TTC29: variants seen among roughly 807,000 people sequenced by gnomAD.
TTC29 encodes tetratricopeptide repeat protein 29.
A neutral mutation model predicts 58.1 loss-of-function variants in TTC29; 49 were observed. The ratio of observed to expected loss-of-function variants is 0.84; its 90% CI spans 0.67 to 1.07. TTC29 has a LOEUF of 1.07. Ranked by LOEUF, TTC29 falls within the 50% of genes least tolerant of loss-of-function variation. The probability of loss-of-function intolerance (pLI) is 0.00; values close to 1 mark genes in which losing one functional copy is unlikely to be tolerated. For synonymous variants in TTC29, 209 were observed against 196.8 expected (o/e 1.06, Z -0.52); for missense variants, 582 against 555.6 (o/e 1.05, Z -0.48).
At chr4:146,843,416 G>A (rs1468542841) in intron 8 of TTC29, among the ~76,000 whole-genome samples, 1 of 152,086 alleles carries the variant, frequency 6.6e-6, no homozygotes, top group East Asian at 1.9e-4. Flanking sequence ...GATCATTTGA[G>A]TACGTACACT....
chr4:146,724,524 CT>C (rs112548226), intron 11 of TTC29, among the ~76,000 whole-genome samples: 3,386 of 149,300 alleles, frequency 0.023, 135 homozygotes, highest in African/African-American at 0.077. Flanking sequence ...TGTTCAACTT[CT>C]TTTTTTTTTA....
intron 6 of TTC29, among the ~76,000 whole-genome samples, chr4:146,898,135 G>C (rs1443378055): frequency 6.6e-6 from 1 of 152,168 alleles, no homozygotes; most frequent in East Asian, 1.9e-4. Flanking sequence ...AATGGGTAGA[G>C]GAGATAATTA....
chr4:146,784,644 C>T (rs746777110), intron 11 of TTC29, among the ~76,000 whole-genome samples: 1 of 152,148 alleles, frequency 6.6e-6, no homozygotes, highest in Admixed American at 6.6e-5. Flanking sequence ...AGCCAAAAAG[C>T]AGGCCTCAGC....
chr4:146,820,968 C>T (rs948859408), intron 9 of TTC29, among the ~76,000 whole-genome samples: 1 of 151,522 alleles, frequency 6.6e-6, no homozygotes, highest in Non-Finnish European at 1.5e-5. Flanking sequence ...GGAGGCGGAG[C>T]TTGCAGTGAG....
At position 146,845,569 on chromosome 4, in the gene TTC29, A is replaced by G. The variant is rs1729109952; in HGVS notation, c.886-11672T>C. 2.6e-5 allele frequency among the ~76,000 whole-genome samples: 4 copies of G among 152,210 alleles called. No homozygotes were observed. In the South Asian group the frequency reaches 8.3e-4, roughly 32 times the overall value. ...ATGGTGGTGGCAAACTGAATCAAAT[A>G]AAGTGCCAGTCAAGTCTAATTTGAC... On this transcript the variant is annotated intron_variant, in intron 8 of 12. Transcript: ENST00000325106.
At chr4:146,879,645 C>T (rs1731494630) in intron 6 of TTC29, among the ~76,000 whole-genome samples, 1 of 152,146 alleles carries the variant, frequency 6.6e-6, no homozygotes, top group Admixed American at 6.6e-5. Context: ...ACCAAATAAA[C>T]TTTAACACAG....
At chr4:146,751,640 A>C (rs1485081885) in intron 11 of TTC29, among the ~76,000 whole-genome samples, 1 of 152,236 alleles carries the variant, frequency 6.6e-6, no homozygotes, top group African/African-American at 2.4e-5. Context: ...AAAATACGCC[A>C]AAAACAGACA....
At chr4:146,875,791 T>C (rs1731217612) in intron 6 of TTC29, among the ~76,000 whole-genome samples, 1 of 152,196 alleles carries the variant, frequency 6.6e-6, no homozygotes, top group African/African-American at 2.4e-5. Context: ...TATAATAAAA[T>C]CCAAAATATA....
chr4:146,869,726 G>C (rs1730805373), intron 7 of TTC29, among the ~76,000 whole-genome samples: 2 of 151,982 alleles, frequency 1.3e-5, no homozygotes, highest in Admixed American at 1.3e-4. Context: ...AGCAAAGAGG[G>C]GAAAGGAAAG....
chr4:146,908,875 C>G lies in TTC29; in HGVS notation c.400+151G>C, dbSNP rs1451632945. The G allele has an allele frequency of 4.3e-6, 3 of 696,084 alleles. No homozygotes were observed. In the East Asian group the frequency reaches 8.1e-5, roughly 19 times the overall value. 43.1% of individuals were successfully genotyped at this position (696,084 alleles called of 1,614,324 possible). On this transcript the variant is annotated intron_variant, in intron 5 of 12. Coordinates refer to ENST00000325106, the MANE Select transcript of TTC29 (RefSeq NM_031956.4). ...GCCTCGTGATCCAACATTCCCTTTC[C>G]TTAATTCCATAAAGACGTTTAATTG...
At position 146,907,283 on chromosome 4, in the gene TTC29, C is replaced by G. The variant is rs1008504889; in HGVS notation, c.400+1743G>C. On this transcript the variant is annotated intron_variant, in intron 5 of 12. Coordinates refer to ENST00000325106, the MANE Select transcript of TTC29 (RefSeq NM_031956.4). ...TTATAAATTTGAAAAAGCTTTATGA[C>G]AAGCTGGCTCACATCTATGACACCT... Among the ~76,000 whole-genome samples the G allele has an allele frequency of 6.6e-5, 10 of 152,238 alleles. No individual in the cohort carries two copies. In the East Asian group the frequency reaches 1.9e-3, roughly 29 times the overall value.
chr4:146,723,412 T>C (rs1326922116), intron 11 of TTC29, among the ~76,000 whole-genome samples: 1 of 152,118 alleles, frequency 6.6e-6, no homozygotes. Context: ...ACTAAAGAGC[T>C]TCTGTACAGC....
intron 11 of TTC29, among the ~76,000 whole-genome samples, chr4:146,785,699 C>T (rs922353757): frequency 2.0e-5 from 3 of 152,062 alleles, no homozygotes; most frequent in Admixed American, 2.0e-4. Context: ...TCTGCAAATC[C>T]CTTTTCATTC....
chr4:146,856,665 C>A (rs1229928143), intron 8 of TTC29, among the ~76,000 whole-genome samples: 1 of 150,106 alleles, frequency 6.7e-6, no homozygotes, highest in Admixed American at 6.6e-5. Flanking sequence ...TGCATATTTT[C>A]CTAAGCTGTA....
intron 11 of TTC29, among the ~76,000 whole-genome samples, chr4:146,750,066 G>A (rs184783966): frequency 1.3e-5 from 2 of 152,224 alleles, no homozygotes; most frequent in East Asian, 3.9e-4. Flanking sequence ...GGAGTACAGT[G>A]GTGCGATCTC....
chr4:146,814,447 G>A (rs1751248809), intron 10 of TTC29, among the ~76,000 whole-genome samples: 1 of 150,262 alleles, frequency 6.7e-6, no homozygotes. Context: ...GTGGTGGGGG[G>A]ACGGGCACGG....
intron 11 of TTC29, among the ~76,000 whole-genome samples, chr4:146,771,336 G>A (rs927885227): frequency 6.6e-6 from 1 of 152,024 alleles, no homozygotes; most frequent in East Asian, 1.9e-4. Flanking sequence ...TGGGGCTTTA[G>A]TGTACAGATT....
intron 6 of TTC29, among the ~76,000 whole-genome samples, chr4:146,883,487 T>C (rs927024968): frequency 6.6e-6 from 1 of 152,068 alleles, no homozygotes; most frequent in African/African-American, 2.4e-5. Flanking sequence ...TAATATCAGT[T>C]TTTCAGATTA....
At chr4:146,778,976 CAA>C (rs369374851) in intron 11 of TTC29, among the ~76,000 whole-genome samples, 168 of 28,446 alleles carry the variant, frequency 5.9e-3, no homozygotes, top group Non-Finnish European at 7.3e-3. Flanking sequence ...CCTAAATAAG[CAA>C]AAAAAAAAAA....
Sources: allele counts gnomAD v4.1 joint callset (sites outside exome capture counted in the v4.1 genomes callset), GRCh38; gene constraint gnomAD v4.1.1; transcripts MANE v1.5; gene names NCBI Gene and HGNC (gene_info 2026-07-23, HGNC 2026-07-21).